WFDC13: variants seen among roughly 807,000 people sequenced by gnomAD.
WFDC13 encodes the protein WAP four-disulfide core domain 13, also known as WAP four-disulfide core domain protein 13.
In WFDC13, 6 loss-of-function variants were observed where a neutral mutation model predicts 10.9. The ratio of observed to expected loss-of-function variants is 0.55; its 90% CI spans 0.30 to 1.09. WFDC13 has a LOEUF of 1.09. WFDC13 is among the 50% of genes least tolerant of loss of function. The pLI is 0.06. For synonymous variants in WFDC13, 38 were observed against 39.5 expected, an observed-to-expected ratio of 0.96 and a Z score of 0.14; for missense variants, 104 against 109.6, an observed-to-expected ratio of 0.95 and a Z score of 0.23.
chr20:45,704,414 G>T (rs1329574108), intron 1 of WFDC13, 30 bp from the exon 2 acceptor site: 6 of 1,598,210 alleles, frequency 3.8e-6, no homozygotes, highest in Middle Eastern at 1.8e-4. Context: ...CTGTTGGTGA[G>T]GCCCTTCTCT....
rs539788078 is a variant in WFDC13, at chr20:45,707,885, C to A, written c.*50C>A. The A allele has an allele frequency of 6.6e-6, 1 of 152,312 alleles. No homozygotes were observed. Among genetic ancestry groups the A allele is most frequent in the East Asian group, 1.9e-4 (1 of 5,184 alleles). The allele number at this position is 152,312 out of a possible 1,614,324, so 9.4% of individuals were successfully genotyped here. On this transcript the variant is annotated 3_prime_UTR_variant, in exon 4 of 4. Coordinates refer to ENST00000305479, the MANE Select transcript of WFDC13 (RefSeq NM_172005.2). ...CTCTACGATGTTTTTTCTTGGTCCA[C>A]CTTTAGGAAGGTATTGAGAAGCAAG...
intron 1 of WFDC13, 98 bp from the exon 2 acceptor site, chr20:45,704,346 G>A (rs1984298993): frequency 6.7e-7 from 1 of 1,488,088 alleles, no homozygotes; most frequent in Admixed American, 2.1e-5. Flanking sequence ...AGGCAGATGA[G>A]GGTGGCAGGT....
At chr20:45,704,849 C>T in intron 2 of WFDC13, 1 of 1,519,362 alleles carries the variant, frequency 6.6e-7, no homozygotes, top group Non-Finnish European at 9.1e-7. Flanking sequence ...TCTGAACACA[C>T]CCACAAATGC....
chr20:45,707,131 C>T (rs1184492086), intron 3 of WFDC13, among the ~76,000 whole-genome samples: 5 of 152,234 alleles, frequency 3.3e-5, no homozygotes, highest in Non-Finnish European at 5.9e-5. Flanking sequence ...TGAGCTCCCA[C>T]TCATGCTTCA....
At chr20:45,705,092 G>A (rs1354609454) in intron 2 of WFDC13, 1 of 1,181,174 alleles carries the variant, frequency 8.5e-7, no homozygotes, top group Admixed American at 1.7e-5. Flanking sequence ...GCTAAATGGA[G>A]TGTGCTCCCA....
chr20:45,705,008 T>C (rs1253318792), intron 2 of WFDC13: 1 of 1,613,702 alleles, frequency 6.2e-7, no homozygotes, highest in Admixed American at 1.7e-5. Context: ...GCCACCAGTG[T>C]TCTTGGGCTC....
intron 3 of WFDC13, 127 bp from the exon 4 acceptor site, chr20:45,707,731 G>T (rs118021160): frequency 3.9e-5 from 6 of 152,198 alleles, no homozygotes; most frequent in Non-Finnish European, 7.3e-5. Context: ...TCTTTAAGGA[G>T]TTCCTAAGCA....
chr20:45,705,740 C>T, intron 2 of WFDC13, 123 bp from the exon 3 acceptor site: 1 of 870,278 alleles, frequency 1.1e-6, no homozygotes, highest in Non-Finnish European at 1.7e-6. Context: ...TTCTGCCTTC[C>T]CTATGGCAAG....
intron 2 of WFDC13, chr20:45,705,060 C>T: frequency 6.7e-7 from 1 of 1,485,106 alleles, no homozygotes; most frequent in East Asian, 2.3e-5. Context: ...ATTGTCCAGA[C>T]ATTAACACTA....
intron 2 of WFDC13, 68 bp downstream of exon 2, chr20:45,704,662 T>C: frequency 6.4e-7 from 1 of 1,571,754 alleles, no homozygotes; most frequent in African/African-American, 1.4e-5. Context: ...AAGAGTCCCT[T>C]ACCAGCAACT....
Position 45,704,397 on chromosome 20 carries a change from C to T in WFDC13, c.89-47C>T, listed in dbSNP as rs1984300720. On this transcript the variant is annotated intron_variant, in intron 1 of 3. Coordinates refer to ENST00000305479, the MANE Select transcript of WFDC13 (RefSeq NM_172005.2). ...TGGGCTTTCTGAGTTCTGAACATTA[C>T]TCCAGCCTGTTGGTGAGGCCCTTCT... The T allele has an allele frequency of 2.5e-6, 4 of 1,581,486 alleles. No homozygotes were observed. The South Asian group carries it at 3.5e-5, about 14-fold the overall frequency.
intron 1 of WFDC13, among the ~76,000 whole-genome samples, chr20:45,703,968 A>G (rs1984282603): frequency 6.6e-6 from 1 of 152,110 alleles, no homozygotes; most frequent in African/African-American, 2.4e-5. Flanking sequence ...TCCTTTACCA[A>G]AACTTACCTT....
intron 2 of WFDC13, 65 bp downstream of exon 2, chr20:45,704,659 C>A: frequency 6.3e-7 from 1 of 1,577,322 alleles, no homozygotes; most frequent in Non-Finnish European, 8.6e-7. Flanking sequence ...CAGAAGAGTC[C>A]CTTACCAGCA....
intron 2 of WFDC13, among the ~76,000 whole-genome samples, chr20:45,705,559 T>C (rs1984357612): frequency 6.6e-6 from 1 of 152,240 alleles, no homozygotes; most frequent in East Asian, 1.9e-4. Flanking sequence ...ACAATCCATG[T>C]AAGCTTTAAA....
chr20:45,705,071 G>C (rs1486544104), intron 2 of WFDC13: 1 of 1,384,506 alleles, frequency 7.2e-7, no homozygotes, highest in Non-Finnish European at 1.0e-6. Flanking sequence ...ATTAACACTA[G>C]CCGCAAGCCT....
chr20:45,706,243 C>T (rs533941312), intron 3 of WFDC13, among the ~76,000 whole-genome samples: 27 of 152,308 alleles, frequency 1.8e-4, no homozygotes, highest in Middle Eastern at 3.4e-3. Context: ...GTTGACAGCA[C>T]CCTGGGCAGG....
intron 3 of WFDC13, among the ~76,000 whole-genome samples, chr20:45,706,638 G>GGT (rs1444921347): frequency 6.6e-6 from 1 of 152,082 alleles, no homozygotes; most frequent in Admixed American, 6.5e-5. Flanking sequence ...TGGGTGTGAT[G>GGT]GTGCACACCT....
rs2145648258 is a variant in WFDC13, at chr20:45,708,344, A to T, written c.*509A>T. 1 of 152,448 alleles carries T rather than the reference A, an allele frequency of 6.6e-6. No homozygotes were observed. Among genetic ancestry groups the T allele is most frequent in the East Asian group, 1.9e-4 (1 of 5,192 alleles). The allele number at this position is 152,448 out of a possible 1,614,324, so 9.4% of individuals were successfully genotyped here. A position where few individuals can be genotyped will look rare whatever the true frequency, so the allele number is the denominator to read the frequency against. Reference sequence around the variant, plus strand: ...GACAGGCACAGTGGGGGTGGTGAGGACCTGATAGAGTTGGATCAGTGACTA... The same window carrying T: ...GACAGGCACAGTGGGGGTGGTGAGGTCCTGATAGAGTTGGATCAGTGACTA... On this transcript the variant is annotated 3_prime_UTR_variant, in exon 4 of 4. Transcript: ENST00000305479.
At chr20:45,705,609 T>C (rs1984359011) in intron 2 of WFDC13, among the ~76,000 whole-genome samples, 2 of 152,230 alleles carry the variant, frequency 1.3e-5, no homozygotes, top group African/African-American at 4.8e-5. Context: ...TTTTGGGGAT[T>C]AGGCAACCAC....
Sources: allele counts gnomAD v4.1 joint callset (sites outside exome capture counted in the v4.1 genomes callset), GRCh38; gene constraint gnomAD v4.1.1; transcripts MANE v1.5; gene names NCBI Gene and HGNC (gene_info 2026-07-23, HGNC 2026-07-21).